The following SDK1 variants were observed in gnomAD, a reference collection of about 807,000 sequenced individuals.
SDK1 encodes protein sidekick-1.
In SDK1, 157 loss-of-function variants were observed where a neutral mutation model predicts 245.5. The ratio of observed to expected loss-of-function variants is 0.64; its 90% CI spans 0.56 to 0.73. The LOEUF (loss-of-function observed/expected upper bound fraction) is 0.73. Ranked by LOEUF, SDK1 falls within the 30% of genes least tolerant of loss-of-function variation. The pLI, the probability that SDK1 is intolerant of heterozygous loss-of-function variation, is 0.00. For synonymous variants in SDK1, 1,647 were observed against 1,278.5 expected, an observed-to-expected ratio of 1.29 and a Z score of -6.15; for missense variants, 3,583 against 3,002.3, an observed-to-expected ratio of 1.19 and a Z score of -4.52.
chr7:3,903,657 C>G (rs1248507947), intron 5 of SDK1, among the ~76,000 whole-genome samples: 1 of 152,058 alleles, frequency 6.6e-6, no homozygotes, highest in East Asian at 1.9e-4. Context: ...TATGTTCACT[C>G]AAAAAATGGT....
chr7:3,785,237 G>A (rs194370), intron 4 of SDK1, among the ~76,000 whole-genome samples: 10,599 of 152,146 alleles, frequency 0.07, 1,100 homozygotes, highest in African/African-American at 0.23. Context: ...AGAGTTAAAA[G>A]ATCTCAGGCA....
chr7:3,744,145 A>G (rs1779550886), intron 4 of SDK1, among the ~76,000 whole-genome samples: 2 of 151,924 alleles, frequency 1.3e-5, no homozygotes, highest in Admixed American at 1.3e-4. Context: ...GCTATTCCTA[A>G]GATTTTTCCA....
chr7:3,482,706 C>G (rs1314974744), intron 1 of SDK1, among the ~76,000 whole-genome samples: 1 of 152,150 alleles, frequency 6.6e-6, no homozygotes, highest in Non-Finnish European at 1.5e-5. Flanking sequence ...GTTGTGTACC[C>G]AGGCAACTGG....
intron 1 of SDK1, among the ~76,000 whole-genome samples, chr7:3,349,337 G>A (rs918312369): frequency 6.6e-6 from 1 of 151,602 alleles, no homozygotes; most frequent in African/African-American, 2.4e-5. Context: ...TAAAGAGAAC[G>A]TCATTCTTGG....
chr7:3,987,100 A>G (rs1783913222), intron 13 of SDK1, 86 bp from the exon 14 acceptor site: 1 of 1,325,420 alleles, frequency 7.5e-7, no homozygotes, highest in Non-Finnish European at 1.1e-6. Context: ...ATGACACAGC[A>G]GGACGGTCTG....
chr7:3,908,166 C>A (rs1161515917), intron 5 of SDK1, among the ~76,000 whole-genome samples: 1 of 152,116 alleles, frequency 6.6e-6, no homozygotes, highest in Non-Finnish European at 1.5e-5. Flanking sequence ...CTGAGGGCTG[C>A]GGTACAGGAA....
At chr7:3,489,591 A>T (rs1781806408) in intron 1 of SDK1, among the ~76,000 whole-genome samples, 1 of 152,200 alleles carries the variant, frequency 6.6e-6, no homozygotes, top group South Asian at 2.1e-4. Context: ...GCATATCTGG[A>T]GATAGATGGA....
At chr7:3,621,751 C>G (rs1032962163) in intron 2 of SDK1, among the ~76,000 whole-genome samples, 3 of 152,108 alleles carry the variant, frequency 2.0e-5, no homozygotes, top group Non-Finnish European at 4.4e-5. Context: ...CTGGGGGGTG[C>G]AAGAGTAAGA....
At chr7:4,015,821 C>A (rs1367556946) in intron 16 of SDK1, among the ~76,000 whole-genome samples, 1 of 152,204 alleles carries the variant, frequency 6.6e-6, no homozygotes, top group Non-Finnish European at 1.5e-5. Context: ...TCTTGCTACT[C>A]AAGGGCCATC....
chr7:4,061,042 G>T (rs977485146), intron 19 of SDK1, among the ~76,000 whole-genome samples: 7 of 152,182 alleles, frequency 4.6e-5, no homozygotes, highest in South Asian at 2.1e-4. Flanking sequence ...TTGGATACTG[G>T]AGCCTTGTAG....
At chr7:3,929,276 A>G (rs1779890026) in intron 5 of SDK1, among the ~76,000 whole-genome samples, 1 of 152,194 alleles carries the variant, frequency 6.6e-6, no homozygotes, top group African/African-American at 2.4e-5. Flanking sequence ...CTTGATCTAC[A>G]GATTCCTCGG....
intron 4 of SDK1, among the ~76,000 whole-genome samples, chr7:3,691,834 G>T (rs1242565926): frequency 6.6e-6 from 1 of 152,134 alleles, no homozygotes; most frequent in African/African-American, 2.4e-5. Context: ...AGACAGCGTG[G>T]GTTGAAAATG....
At chr7:3,388,822 T>C (rs1781674442) in intron 1 of SDK1, among the ~76,000 whole-genome samples, 1 of 152,196 alleles carries the variant, frequency 6.6e-6, no homozygotes, top group African/African-American at 2.4e-5. Flanking sequence ...GTACCTACTG[T>C]GTCAGGCACA....
chr7:3,721,281 GAAT>G (rs1778785776), intron 4 of SDK1, among the ~76,000 whole-genome samples: 1 of 152,132 alleles, frequency 6.6e-6, no homozygotes, highest in Non-Finnish European at 1.5e-5. Context: ...GGTGTCATCT[GAAT>G]ACTCTCTATG....
chr7:4,016,234 C>A (rs73673242), intron 16 of SDK1, among the ~76,000 whole-genome samples: 1 of 152,234 alleles, frequency 6.6e-6, no homozygotes, highest in East Asian at 1.9e-4. Context: ...GAAAAGCCAG[C>A]GGATTTGCTG....
At chr7:4,211,009 C>G (rs1784483549) in intron 38 of SDK1, among the ~76,000 whole-genome samples, 7 of 152,088 alleles carry the variant, frequency 4.6e-5, no homozygotes, top group Admixed American at 4.6e-4. Flanking sequence ...TTGGGTGGTG[C>G]TGGTGGCTGG....
At position 3,600,034 on chromosome 7, in the gene SDK1, C is replaced by T. The variant is rs577741762; in HGVS notation, c.299-19046C>T. ...TGGTTGCATAGATTTTACATTTTTA[C>T]TATGTTGAGTCTTTAATTCTATGGA... is the stretch of plus-strand genomic sequence containing the variant. On this transcript the variant is annotated intron_variant, in intron 1 of 44. Transcript: ENST00000404826. 5.3e-5 allele frequency among the ~76,000 whole-genome samples: 8 copies of T among 152,218 alleles called. No homozygotes were observed. The South Asian group carries it at 1.7e-3, about 32-fold the overall frequency.
chr7:3,624,859 A>G (rs1448335417), intron 2 of SDK1, among the ~76,000 whole-genome samples: 1 of 152,020 alleles, frequency 6.6e-6, no homozygotes, highest in Non-Finnish European at 1.5e-5. Context: ...CAGCCTGACC[A>G]ACATGGAGAA....
At chr7:4,056,531 C>T (rs964551483) in intron 19 of SDK1, among the ~76,000 whole-genome samples, 14 of 152,144 alleles carry the variant, frequency 9.2e-5, no homozygotes, top group Admixed American at 7.2e-4. Flanking sequence ...GGACTGAGAT[C>T]GGCTGGGAAC....
Sources: gnomAD v4.1 joint callset for allele counts (sites outside exome capture counted in the v4.1 genomes callset) on GRCh38, gnomAD v4.1.1 for gene constraint, MANE v1.5 for transcripts, NCBI Gene and HGNC (gene_info 2026-07-23, HGNC 2026-07-21) for gene names.